The following NCK2 variants were observed in gnomAD, a reference collection of about 807,000 sequenced individuals.
NCK2 encodes the protein NCK adaptor protein 2, also known as cytoplasmic protein NCK2.
Under a neutral mutation model 33.9 loss-of-function variants are expected in NCK2, and 16 were observed. The observed-to-expected ratio is 0.47, with a 90% CI of 0.32 to 0.72. The LOEUF (loss-of-function observed/expected upper bound fraction) is 0.72. Among genes scored for constraint, NCK2 ranks in the 30% least tolerant of loss-of-function variants. NCK2 has a pLI of 0.03. For missense variants in NCK2, 418 were observed against 537.3 expected (o/e 0.78, Z 2.19); for synonymous variants, 273 against 239.9 (o/e 1.14, Z -1.27).
intron 1 of NCK2, among the ~76,000 whole-genome samples, chr2:105,763,197 T>G (rs1041592045): frequency 2.0e-5 from 3 of 151,630 alleles, no homozygotes; most frequent in Non-Finnish European, 2.9e-5. Context: ...GACTCTTGTC[T>G]CCAAAAAAAA....
chr2:105,827,823 G>A (rs1180031364), intron 2 of NCK2, among the ~76,000 whole-genome samples: 1 of 152,188 alleles, frequency 6.6e-6, no homozygotes, highest in Non-Finnish European at 1.5e-5. Flanking sequence ...AGAAAGGGAG[G>A]TGGGTGTGAC....
chr2:105,782,773 C>T (rs1217268934), intron 1 of NCK2, among the ~76,000 whole-genome samples: 2 of 152,252 alleles, frequency 1.3e-5, no homozygotes, highest in Admixed American at 6.5e-5. Context: ...GAGGAGGTTG[C>T]AAAGGCTGTT....
At chr2:105,872,884 G>A (rs978043102) in intron 3 of NCK2, among the ~76,000 whole-genome samples, 10 of 152,146 alleles carry the variant, frequency 6.6e-5, no homozygotes, top group Admixed American at 6.5e-5. Flanking sequence ...TCCTTCATCC[G>A]GGGACACCTC....
At chr2:105,794,667 G>A (rs1405597138) in intron 1 of NCK2, among the ~76,000 whole-genome samples, 2 of 150,900 alleles carry the variant, frequency 1.3e-5, no homozygotes, top group African/African-American at 2.4e-5. Flanking sequence ...TTTAATTTTT[G>A]GACTTTAAAA....
Position 105,744,962 on chromosome 2 carries a change from C to A in NCK2, c.-377C>A, listed in dbSNP as rs1042458769. On this transcript the variant is annotated 5_prime_UTR_variant, in exon 1 of 5. Transcript: ENST00000233154. ...GCGGCGGGCGGAGGGGAGGGCTTGG[C>A]GGCCGGGAGGCTCGCGGCGCCCGGG... is the stretch of plus-strand genomic sequence containing the variant. The A allele has an allele frequency of 1.4e-5, 2 of 144,784 alleles. No individual in the cohort carries two copies. Among genetic ancestry groups the A allele is most frequent in the African/African-American group, 4.9e-5 (2 of 40,508 alleles). 9.0% of individuals were successfully genotyped at this position (144,784 alleles called of 1,614,324 possible).
chr2:105,782,008 C>G (rs1242687327), intron 1 of NCK2, among the ~76,000 whole-genome samples: 1 of 152,178 alleles, frequency 6.6e-6, no homozygotes, highest in Non-Finnish European at 1.5e-5. Context: ...ACCTGAAAAC[C>G]TGCGGCCCAT....
chr2:105,775,952 C>T (rs761829750), intron 1 of NCK2, among the ~76,000 whole-genome samples: 4 of 152,208 alleles, frequency 2.6e-5, no homozygotes, highest in Non-Finnish European at 5.9e-5. Flanking sequence ...ACAAAAAAAA[C>T]AGTGCGAGGG....
At chr2:105,766,132 A>ATG (rs1395951884) in intron 1 of NCK2, among the ~76,000 whole-genome samples, 1 of 152,100 alleles carries the variant, frequency 6.6e-6, no homozygotes, top group Admixed American at 6.5e-5. Context: ...AAACAAAAGA[A>ATG]TGAGGGGAGG....
chr2:105,864,025 C>T lies in NCK2; in HGVS notation c.226+8736C>T, dbSNP rs186047340. Among the ~76,000 whole-genome samples the T allele has an allele frequency of 2.7e-3, 403 of 151,964 alleles. 6 individuals carry two copies. Among genetic ancestry groups the T allele is most frequent in the Admixed American group, 7.2e-3 (110 of 15,274 alleles). On this transcript the variant is annotated intron_variant, in intron 3 of 4. Coordinates refer to ENST00000233154, the MANE Select transcript of NCK2 (RefSeq NM_003581.5). Reference sequence around the variant, plus strand: ...CAGAGTGCAAGTGAGGATGTGAAGACGGAAACCCATAGGTGTGGGGAAGGC... The same window carrying T: ...CAGAGTGCAAGTGAGGATGTGAAGATGGAAACCCATAGGTGTGGGGAAGGC...
intron 2 of NCK2, among the ~76,000 whole-genome samples, chr2:105,845,096 C>G (rs1343820016): frequency 6.6e-6 from 1 of 152,100 alleles, no homozygotes; most frequent in Non-Finnish European, 1.5e-5. Context: ...ATAATCCACT[C>G]TCCCACTTCA....
At chr2:105,822,003 T>A (rs1210242107) in intron 2 of NCK2, among the ~76,000 whole-genome samples, 4 of 151,740 alleles carry the variant, frequency 2.6e-5, no homozygotes, top group Non-Finnish European at 4.4e-5. Context: ...TAAACTGAAA[T>A]GTGAGGCTCT....
intron 1 of NCK2, among the ~76,000 whole-genome samples, chr2:105,791,447 G>A (rs767293809): frequency 6.6e-6 from 1 of 152,188 alleles, no homozygotes; most frequent in Non-Finnish European, 1.5e-5. Flanking sequence ...CAACAATGTA[G>A]GGAGTGCACC....
chr2:105,882,673 G>A (rs1157369804), intron 4 of NCK2, among the ~76,000 whole-genome samples: 1 of 152,160 alleles, frequency 6.6e-6, no homozygotes, highest in East Asian at 1.9e-4. Context: ...TGGGGCAGCA[G>A]ACCCAGTTCA....
At chr2:105,796,569 G>A (rs890266553) in intron 1 of NCK2, among the ~76,000 whole-genome samples, 9 of 152,152 alleles carry the variant, frequency 5.9e-5, no homozygotes, top group African/African-American at 1.2e-4. Context: ...TGTTCAGATC[G>A]GCAGCGTCTG....
Position 105,881,391 on chromosome 2 carries a change from C to G in NCK2, c.290C>G (p.Ala97Gly). Residue 97 changes from alanine (A) to glycine (G), a missense_variant, in exon 4 of 5, where the codon GCC (alanine) becomes GGC (glycine). Coordinates refer to ENST00000233154, the MANE Select transcript of NCK2 (RefSeq NM_003581.5). Reference protein sequence around the residue: ...RDASPTPSTDAEYPANGSGAD... With the variant: ...RDASPTPSTDGEYPANGSGAD... ...GCGTCCCCCACGCCCAGCACGGACGCCGAGTACCCCGCCAATGGCAGCGGC... is the reference window on the plus strand; with the variant it reads ...GCGTCCCCCACGCCCAGCACGGACGGCGAGTACCCCGCCAATGGCAGCGGC... 6.2e-7 allele frequency: 1 copy of G among 1,611,546 alleles called. No individual in the cohort carries two copies. The highest frequency in any genetic ancestry group is 8.5e-7 in the Non-Finnish European group (1 of 1,179,880).
chr2:105,800,607 A>C (rs72825151), intron 1 of NCK2, among the ~76,000 whole-genome samples: 2 of 152,188 alleles, frequency 1.3e-5, no homozygotes, highest in African/African-American at 4.8e-5. Context: ...TCAAAGTTCT[A>C]CTAAGGCCTA....
At chr2:105,748,448 G>A (rs904397588) in intron 1 of NCK2, among the ~76,000 whole-genome samples, 3 of 152,124 alleles carry the variant, frequency 2.0e-5, no homozygotes, top group Middle Eastern at 3.4e-3. Context: ...ACAGTAGCAT[G>A]ATCACAGCTC....
At chr2:105,817,475 T>G (rs1675538391) in intron 2 of NCK2, among the ~76,000 whole-genome samples, 1 of 152,170 alleles carries the variant, frequency 6.6e-6, no homozygotes, top group African/African-American at 2.4e-5. Context: ...CAGTAAGAAG[T>G]GCTTTATGAG....
At chr2:105,873,720 A>G (rs1383998636) in intron 3 of NCK2, among the ~76,000 whole-genome samples, 1 of 152,114 alleles carries the variant, frequency 6.6e-6, no homozygotes, top group East Asian at 1.9e-4. Flanking sequence ...ACTGAAGGGG[A>G]AAAAAAGAAA....
Sources: gnomAD v4.1 joint callset for allele counts (sites outside exome capture counted in the v4.1 genomes callset) on GRCh38, gnomAD v4.1.1 for gene constraint, MANE v1.5 for transcripts, NCBI Gene and HGNC (gene_info 2026-07-23, HGNC 2026-07-21) for gene names.